The following NUDT9 variants were observed in gnomAD, a reference collection of about 807,000 sequenced individuals.
The protein encoded by NUDT9 is nudix hydrolase 9.
A neutral mutation model predicts 41.0 loss-of-function variants in NUDT9; 31 were observed. The observed-to-expected ratio is 0.76, with a 90% CI of 0.57 to 1.02. The LOEUF is 1.02. Among genes scored for constraint, NUDT9 ranks in the 50% least tolerant of loss-of-function variants. NUDT9 has a pLI of 0.00. For synonymous variants in NUDT9, 146 were observed against 147.6 expected, an observed-to-expected ratio of 0.99 and a Z score of 0.08; for missense variants, 380 against 431.4, an observed-to-expected ratio of 0.88 and a Z score of 1.06.
chr4:87,442,878 T>C (rs987612938), intron 4 of NUDT9, among the ~76,000 whole-genome samples: 1 of 152,204 alleles, frequency 6.6e-6, no homozygotes, highest in Non-Finnish European at 1.5e-5. Flanking sequence ...AATAACGCCT[T>C]CCTCTTGAAT....
chr4:87,437,392 G>A (rs1721990947), intron 2 of NUDT9, among the ~76,000 whole-genome samples: 3 of 151,888 alleles, frequency 2.0e-5, no homozygotes, highest in South Asian at 2.1e-4. Context: ...CCAGGCTGGA[G>A]TGCAGTGGCG....
At chr4:87,436,335 T>G (rs1721934704) in intron 2 of NUDT9, among the ~76,000 whole-genome samples, 1 of 151,966 alleles carries the variant, frequency 6.6e-6, no homozygotes, top group Admixed American at 6.6e-5. Context: ...CCCATCCCTT[T>G]ATGTTCCTTT....
At chr4:87,427,830 T>C (rs1721500619) in intron 1 of NUDT9, among the ~76,000 whole-genome samples, 1 of 152,200 alleles carries the variant, frequency 6.6e-6, no homozygotes. Context: ...AATTAGAGAT[T>C]AGGGTTCCAT....
At chr4:87,457,523 T>TC (rs775983475) in intron 7 of NUDT9, among the ~76,000 whole-genome samples, 2 of 152,190 alleles carry the variant, frequency 1.3e-5, no homozygotes, top group African/African-American at 2.4e-5. Flanking sequence ...AAATCTCTCA[T>TC]CCCTCTTGGA....
rs138959330 is a variant in NUDT9, at chr4:87,454,673, A to G, written c.874+218A>G. Among the ~76,000 whole-genome samples, 705 of 152,322 alleles carry G rather than the reference A, an allele frequency of 4.6e-3. 1 individual carries two copies. The highest frequency in any genetic ancestry group is 0.016 in the African/African-American group (664 of 41,560). ...CCAGTGACTAAATTTTCTTTAATCC[A>G]TTGGTAACATTTGAAATTAAGGATG... is the stretch of plus-strand genomic sequence containing the variant. On this transcript the variant is annotated intron_variant, in intron 7 of 7. Coordinates refer to ENST00000302174, the MANE Select transcript of NUDT9 (RefSeq NM_024047.5).
At chr4:87,434,744 C>G (rs888213775) in intron 1 of NUDT9, among the ~76,000 whole-genome samples, 1 of 151,878 alleles carries the variant, frequency 6.6e-6, no homozygotes, top group African/African-American at 2.4e-5. Flanking sequence ...ATTCTCTTGC[C>G]TCAGCCTCCC....
At chr4:87,451,169 C>A (rs1722692048) in intron 5 of NUDT9, among the ~76,000 whole-genome samples, 1 of 152,106 alleles carries the variant, frequency 6.6e-6, no homozygotes, top group Non-Finnish European at 1.5e-5. Flanking sequence ...AGAAAAGCAT[C>A]TTGGATAGAG....
Position 87,458,442 on chromosome 4 carries a change from T to C in NUDT9, c.*421T>C, listed in dbSNP as rs545660779. ...ATGTTCCTGCCACATCAAACTCCTT[T>C]AGGCAGAGTACCGCCACTGGATGTA... On this transcript the variant is annotated 3_prime_UTR_variant, in exon 8 of 8. Transcript: ENST00000302174. 1 of 153,856 alleles carries C rather than the reference T, an allele frequency of 6.5e-6. No individual in the cohort carries two copies. The highest frequency in any genetic ancestry group is 1.9e-4 in the East Asian group (1 of 5,252). The allele number at this position is 153,856 out of a possible 1,614,324, so 9.5% of individuals were successfully genotyped here.
chr4:87,447,486 T>G (rs78141510), intron 4 of NUDT9, among the ~76,000 whole-genome samples: 8,680 of 151,578 alleles, frequency 0.057, 645 homozygotes, highest in African/African-American at 0.17. Context: ...GTTTTTTTTT[T>G]TTTTGTTTTG....
intron 1 of NUDT9, among the ~76,000 whole-genome samples, chr4:87,424,265 T>TTTG (rs1452797847): frequency 1.3e-5 from 2 of 148,894 alleles, no homozygotes; most frequent in Non-Finnish European, 3.0e-5. Context: ...TTTTTTTTTT[T>TTTG]TTTTTTTTTT....
intron 1 of NUDT9, among the ~76,000 whole-genome samples, chr4:87,429,151 G>C (rs553517981): frequency 1.3e-5 from 2 of 152,140 alleles, no homozygotes; most frequent in East Asian, 1.9e-4. Flanking sequence ...TAATTAAAAA[G>C]GTTTCTTATT....
Position 87,441,839 on chromosome 4 carries a change from G to T in NUDT9, c.454G>T (p.Gly152Ter). ...TTTTTGTTTTTCCAGAAATCCTGCA[G>T]GACGGACTGGACTGGTGGGCCGGGG... is the stretch of plus-strand genomic sequence containing the variant. Reference protein sequence around the residue: ...IENGRPRNPAGRTGLVGRGLL... With the variant: ...IENGRPRNPA The change falls in exon 4 of 8, where the codon GGA (glycine) becomes TGA (stop). Residue 152 changes from glycine to a stop codon, truncating the protein, a stop_gained. Transcript: ENST00000302174. LOFTEE classifies it high-confidence loss of function. 1 of 1,613,496 alleles carries T rather than the reference G, an allele frequency of 6.2e-7. No homozygotes were observed. Among genetic ancestry groups the T allele is most frequent in the Non-Finnish European group, 8.5e-7 (1 of 1,179,738 alleles).
chr4:87,439,169 A>AG (rs1437122206), intron 3 of NUDT9, among the ~76,000 whole-genome samples: 1 of 151,728 alleles, frequency 6.6e-6, no homozygotes, highest in African/African-American at 2.4e-5. Flanking sequence ...CCATCTCAAA[A>AG]AAAAAAATAG....
rs754065356 is a variant in NUDT9, at chr4:87,457,818, G to A, written c.875-25G>A. ...CTAAAACAGAAATGAGTTTTTCTTG[G>A]TGATGGTTTTTCTTTGGCAACCAGG... On this transcript the variant is annotated intron_variant, in intron 7 of 7. Transcript: ENST00000302174. The A allele has an allele frequency of 2.5e-6, 4 of 1,600,720 alleles. 1 individual carries two copies. The South Asian group carries it at 3.4e-5, about 13-fold the overall frequency.
At chr4:87,428,831 G>T (rs984792559) in intron 1 of NUDT9, among the ~76,000 whole-genome samples, 6 of 152,172 alleles carry the variant, frequency 3.9e-5, no homozygotes, top group African/African-American at 1.4e-4. Flanking sequence ...ATAGCCTCCC[G>T]CATTGTCAAC....
At position 87,449,132 on chromosome 4, in the gene NUDT9, C is replaced by G. The variant is rs1354731014; in HGVS notation, c.531-10C>G. 3 of 1,431,922 alleles carry G rather than the reference C, an allele frequency of 2.1e-6. No individual in the cohort carries two copies. The highest frequency in any genetic ancestry group is 1.4e-5 in the African/African-American group (1 of 71,306). 88.7% of individuals were successfully genotyped at this position (1,431,922 alleles called of 1,614,324 possible). ...GTAAATCCGTTATGATTTTATATTACTATTCACAGATGGAAAAGGGATAGC... is the reference window on the plus strand; with the variant it reads ...GTAAATCCGTTATGATTTTATATTAGTATTCACAGATGGAAAAGGGATAGC... On this transcript the variant is annotated splice_polypyrimidine_tract_variant and intron_variant, in intron 4 of 7. Transcript: ENST00000302174.
chr4:87,444,637 G>T (rs1206851895), intron 4 of NUDT9, among the ~76,000 whole-genome samples: 1 of 152,220 alleles, frequency 6.6e-6, no homozygotes, highest in African/African-American at 2.4e-5. Context: ...TGTAATGCTA[G>T]TAAGGGGACA....
chr4:87,430,235 T>C (rs1721623820), intron 1 of NUDT9, among the ~76,000 whole-genome samples: 1 of 152,224 alleles, frequency 6.6e-6, no homozygotes, highest in African/African-American at 2.4e-5. Flanking sequence ...TGGGAAAGTA[T>C]GGCAAATGGA....
intron 7 of NUDT9, 96 bp downstream of exon 7, chr4:87,454,551 A>G: frequency 1.2e-6 from 1 of 803,744 alleles, no homozygotes; most frequent in Non-Finnish European, 2.1e-6. Context: ...TTAGCATCTT[A>G]AACCAATTAA....
Sources: allele counts gnomAD v4.1 joint callset (sites outside exome capture counted in the v4.1 genomes callset), GRCh38; gene constraint gnomAD v4.1.1; transcripts MANE v1.5; gene names NCBI Gene and HGNC (gene_info 2026-07-23, HGNC 2026-07-21).